Variants in BTBD7 observed in about 807,000 individuals in gnomAD.
BTBD7 encodes BTB domain containing 7, also known as BTB/POZ domain-containing protein 7.
A neutral mutation model predicts 99.9 loss-of-function variants in BTBD7; 38 were observed. The ratio of observed to expected loss-of-function variants is 0.38; its 90% CI spans 0.29 to 0.50. The LOEUF is 0.50. Among genes scored for constraint, BTBD7 ranks in the 20% least tolerant of loss-of-function variants. The probability of loss-of-function intolerance (pLI) is 0.93; values close to 1 mark genes in which losing one functional copy is unlikely to be tolerated. For synonymous variants in BTBD7, 520 were observed against 511.4 expected, an observed-to-expected ratio of 1.02 and a Z score of -0.23; for missense variants, 1,170 against 1,394.6, an observed-to-expected ratio of 0.84 and a Z score of 2.57.
At chr14:93,322,991 C>T (rs748627424) in intron 1 of BTBD7, among the ~76,000 whole-genome samples, 6 of 152,012 alleles carry the variant, frequency 3.9e-5, no homozygotes, top group Admixed American at 1.3e-4. Flanking sequence ...AGCATGATGG[C>T]GTGTGCCTGC....
At position 93,237,639 on chromosome 14, in the gene BTBD7, C is replaced by G. The variant is rs1490120291; in HGVS notation, c.*4634G>C. On this transcript the variant is annotated 3_prime_UTR_variant, in exon 11 of 11. Transcript: ENST00000334746. ...ATCAGTAACAGTAGAAAAATAGAAG[C>G]AGTGAAAACCTCTGTACAACTGTAA... The G allele has an allele frequency of 2.0e-5, 3 of 152,596 alleles. No individual in the cohort carries two copies. The allele number at this position is 152,596 out of a possible 1,614,324, so 9.5% of individuals were successfully genotyped here. A position where few individuals can be genotyped will look rare whatever the true frequency, so the allele number is the denominator to read the frequency against.
At chr14:93,312,356 A>C (rs1319961562) in intron 1 of BTBD7, among the ~76,000 whole-genome samples, 2 of 152,220 alleles carry the variant, frequency 1.3e-5, no homozygotes, top group Non-Finnish European at 2.9e-5. Flanking sequence ...GTACCAGTTA[A>C]AGAGTGTTAA....
At chr14:93,288,316 T>A (rs1418020126) in intron 3 of BTBD7, 1 of 592,490 alleles carries the variant, frequency 1.7e-6, no homozygotes, top group African/African-American at 1.9e-5. Flanking sequence ...ACTCTAGTTT[T>A]ATTTGTCTCC....
At chr14:93,245,132 G>C (rs2052289062) in intron 10 of BTBD7, among the ~76,000 whole-genome samples, 1 of 148,146 alleles carries the variant, frequency 6.8e-6, no homozygotes. Flanking sequence ...AAAGTGTTGG[G>C]ATTACAGGTG....
chr14:93,314,791 G>C (rs1195370357), intron 1 of BTBD7, among the ~76,000 whole-genome samples: 1 of 152,070 alleles, frequency 6.6e-6, no homozygotes, highest in Non-Finnish European at 1.5e-5. Flanking sequence ...CAAAATGCTG[G>C]ACATTATTCA....
chr14:93,319,449 A>G (rs1349388679), intron 1 of BTBD7, among the ~76,000 whole-genome samples: 3 of 152,250 alleles, frequency 2.0e-5, no homozygotes, highest in African/African-American at 7.2e-5. Flanking sequence ...CTCAGAGAAG[A>G]AGGAAATATG....
intron 1 of BTBD7, among the ~76,000 whole-genome samples, chr14:93,320,143 G>C (rs2053253688): frequency 1.3e-5 from 2 of 152,204 alleles, no homozygotes; most frequent in South Asian, 4.1e-4. Context: ...CAGTAGCAGA[G>C]AGGCAGGAAG....
intron 3 of BTBD7, among the ~76,000 whole-genome samples, chr14:93,265,994 C>A (rs1473641525): frequency 1.3e-5 from 2 of 152,094 alleles, no homozygotes; most frequent in African/African-American, 4.8e-5. Context: ...TTCAGATGAC[C>A]CCAAACTTGG....
At chr14:93,298,834 C>T (rs543435395) in intron 1 of BTBD7, among the ~76,000 whole-genome samples, 1 of 152,274 alleles carries the variant, frequency 6.6e-6, no homozygotes, top group African/African-American at 2.4e-5. Context: ...ACTGGAGAAA[C>T]AAGAACAAGT....
At position 93,303,807 on chromosome 14, in the gene BTBD7, T is replaced by C. The variant is rs562440327; in HGVS notation, c.-106-7650A>G. Among the ~76,000 whole-genome samples, 6 of 152,086 alleles carry C rather than the reference T, an allele frequency of 3.9e-5. No individual in the cohort carries two copies. In the East Asian group the frequency reaches 1.2e-3, roughly 29 times the overall value. On this transcript the variant is annotated intron_variant, in intron 1 of 10. Transcript: ENST00000334746. ...TCCTCTTGAAGCAACAGATGGAAAA[T>C]GGGAATTAGAGGGCTGAAACGGCCT... is the stretch of plus-strand genomic sequence containing the variant.
chr14:93,296,979 A>G (rs574221053), intron 1 of BTBD7, among the ~76,000 whole-genome samples: 11 of 152,400 alleles, frequency 7.2e-5, no homozygotes, highest in African/African-American at 2.4e-4. Flanking sequence ...AACAAGATTA[A>G]TGGAAATACT....
rs1304373853 is a variant in BTBD7 at position 93,255,304 on chromosome 14, C to T, written c.1609-1514G>A. On this transcript the variant is annotated intron_variant, in intron 6 of 10. Transcript: ENST00000334746. ...GGGACTACAGGTGCATGCCACCATG[C>T]CTGGCTAATTTTTGTATTTTTTGGT... Among the ~76,000 whole-genome samples, 4 of 152,166 alleles carry T rather than the reference C, an allele frequency of 2.6e-5. No individual in the cohort carries two copies. In the South Asian group the frequency reaches 6.2e-4, roughly 24 times the overall value.
At chr14:93,310,083 A>T (rs529746010) in intron 1 of BTBD7, among the ~76,000 whole-genome samples, 1 of 152,260 alleles carries the variant, frequency 6.6e-6, no homozygotes, top group African/African-American at 2.4e-5. Context: ...CTCCTGCCTC[A>T]GCTTCCCAAA....
intron 8 of BTBD7, among the ~76,000 whole-genome samples, chr14:93,249,743 A>G (rs541132768): frequency 6.6e-6 from 1 of 152,258 alleles, no homozygotes; most frequent in South Asian, 2.1e-4. Context: ...CCTTTCTAGA[A>G]AAAGTATGCC....
intron 5 of BTBD7, among the ~76,000 whole-genome samples, chr14:93,260,051 C>T (rs1218189282): frequency 6.6e-6 from 1 of 151,834 alleles, no homozygotes; most frequent in African/African-American, 2.4e-5. Context: ...TTGCCAGCCA[C>T]AGAAAAAAAA....
chr14:93,321,191 T>C (rs2053265201), intron 1 of BTBD7, among the ~76,000 whole-genome samples: 1 of 152,186 alleles, frequency 6.6e-6, no homozygotes, highest in Admixed American at 6.5e-5. Flanking sequence ...AAACACTCTC[T>C]CCCTCAAATA....
At chr14:93,261,706 T>G (rs2052491080) in intron 4 of BTBD7, 29 bp from the exon 5 acceptor site, 1 of 1,506,466 alleles carries the variant, frequency 6.6e-7, no homozygotes, top group African/African-American at 1.4e-5. Flanking sequence ...TATATTTATT[T>G]TAGTGAAATT....
At chr14:93,317,049 A>G (rs2053215470) in intron 1 of BTBD7, among the ~76,000 whole-genome samples, 1 of 152,194 alleles carries the variant, frequency 6.6e-6, no homozygotes, top group Non-Finnish European at 1.5e-5. Context: ...AAACCTTCAT[A>G]AGAAAGAGTG....
At chr14:93,283,803 C>T (rs1375830774) in intron 3 of BTBD7, among the ~76,000 whole-genome samples, 1 of 152,174 alleles carries the variant, frequency 6.6e-6, no homozygotes, top group African/African-American at 2.4e-5. Context: ...CTGCCTGCTT[C>T]GGCCTCTGAA....
Sources: gnomAD v4.1 joint callset for allele counts (sites outside exome capture counted in the v4.1 genomes callset) on GRCh38, gnomAD v4.1.1 for gene constraint, MANE v1.5 for transcripts, NCBI Gene and HGNC (gene_info 2026-07-23, HGNC 2026-07-21) for gene names.